Variants in TDRKH observed in about 807,000 individuals in gnomAD.
TDRKH encodes the protein tudor and KH domain-containing protein.
A neutral mutation model predicts 61.3 loss-of-function variants in TDRKH; 28 were observed. The ratio of observed to expected loss-of-function variants is 0.46; its 90% CI spans 0.34 to 0.63. TDRKH has a LOEUF of 0.63. Among genes scored for constraint, TDRKH ranks in the 20% least tolerant of loss-of-function variants. The pLI, the probability that TDRKH is intolerant of heterozygous loss-of-function variation, is 0.01. For missense variants in TDRKH, 540 were observed against 683.4 expected (o/e 0.79, Z 2.34); for synonymous variants, 219 against 244.4 (o/e 0.90, Z 0.97).
intron 12 of TDRKH, 67 bp downstream of exon 12, chr1:151,774,643 C>T: frequency 1.9e-6 from 3 of 1,598,116 alleles, no homozygotes; most frequent in Non-Finnish European, 2.6e-6. Flanking sequence ...AACCTCCCTA[C>T]TCTGGAAAGA....
At chr1:151,771,203 C>A, downstream of TDRKH, 1 of 1,613,618 alleles carries the variant, frequency 6.2e-7, no homozygotes, top group African/African-American at 1.3e-5. Flanking sequence ...GGCCACCTGC[C>A]CAGTGAGCCT....
At chr1:151,771,249 G>A (rs1648690710), downstream of TDRKH, 4 of 1,605,788 alleles carry the variant, frequency 2.5e-6, no homozygotes, top group Non-Finnish European at 3.4e-6. Flanking sequence ...TTGAGGGGCT[G>A]GAAGCCTTGA....
chr1:151,777,673 T>C (rs1460266254), intron 6 of TDRKH, among the ~76,000 whole-genome samples: 1 of 151,982 alleles, frequency 6.6e-6, no homozygotes, highest in Non-Finnish European at 1.5e-5. Flanking sequence ...TATTGCTTCC[T>C]ATTTTGGGTA....
chr1:151,768,048 C>A, downstream of TDRKH: 1 of 1,613,906 alleles, frequency 6.2e-7, no homozygotes, highest in Non-Finnish European at 8.5e-7. Flanking sequence ...CATTTTTACT[C>A]CTTTTCCAGG....
downstream of TDRKH, chr1:151,771,807 G>C (rs1010024971): frequency 2.5e-6 from 1 of 396,756 alleles, no homozygotes; most frequent in East Asian, 3.6e-5. Flanking sequence ...TAAAGAAAAA[G>C]ACTTTTATAC....
chr1:151,778,406 G>A (rs911825349), intron 6 of TDRKH, among the ~76,000 whole-genome samples: 2 of 152,174 alleles, frequency 1.3e-5, no homozygotes, highest in Non-Finnish European at 2.9e-5. Context: ...CTTCAGAGTG[G>A]AAGAGGCACC....
chr1:151,775,080 G>C lies in TDRKH; in HGVS notation c.1521C>G (p.Asp507Glu), dbSNP rs746949370. The stretch of plus-strand genomic sequence containing the variant: ...AATAGCTCACCATGTCCTTCAACAT[G>C]TCTGGGACAGCTCTGTTTTCTTCTA... ...EDIEENRAVP[D>E]MLKDMATETD... The change falls in exon 11 of 13, where the codon GAC becomes GAG. Residue 507 changes from aspartate to glutamate, a missense_variant. Physicochemically the swap from Asp to Glu is conservative, Grantham distance 45 (BLOSUM62 2). This residue lies in a region of TDRKH where 379 missense variants were observed against 443.8 expected (regional missense o/e 0.85). Coordinates refer to ENST00000368824, the MANE Select transcript of TDRKH (RefSeq NM_001083965.2). 1.9e-6 allele frequency: 3 copies of C among 1,614,138 alleles called. No homozygotes were observed. Among genetic ancestry groups the C allele is most frequent in the South Asian group, 2.2e-5 (2 of 91,080 alleles).
Position 151,775,846 on chromosome 1 carries a change from C to A in TDRKH, c.1256G>T (p.Cys419Phe). Residue 419 changes from cysteine (C) to phenylalanine (F), a missense_variant, in exon 9 of 13, where the codon TGT (cysteine) becomes TTT (phenylalanine). Cys to Phe is a radical substitution (Grantham distance 205). Transcript: ENST00000368824. ...FLSLPFQAIE[C>F]SLARIAPSGD... is the part of the protein sequence containing the mutation. ...TGAGGGAGCAATCCGTGCCAGACTA[C>A]ATTCTATTGCTTGAAATGGAAGGCT... 6.2e-7 allele frequency: 1 copy of A among 1,613,724 alleles called. No homozygotes were observed.
Position 151,774,815 on chromosome 1 carries a change from A to G in TDRKH, c.1537-9T>C. Reference sequence around the variant, plus strand: ...GCATCTGTTTCTGTGGCCTGAGTGGATGAAAACAGGAAAAAAGGAGGAACA... The same window carrying G: ...GCATCTGTTTCTGTGGCCTGAGTGGGTGAAAACAGGAAAAAAGGAGGAACA... On this transcript the variant is annotated splice_polypyrimidine_tract_variant and intron_variant, in intron 11 of 12. Coordinates refer to ENST00000368824, the MANE Select transcript of TDRKH (RefSeq NM_001083965.2). 1 of 1,613,652 alleles carries G rather than the reference A, an allele frequency of 6.2e-7. No individual in the cohort carries two copies.
chr1:151,784,418 T>G (rs1368020216), intron 1 of TDRKH, among the ~76,000 whole-genome samples: 3 of 152,232 alleles, frequency 2.0e-5, no homozygotes, highest in Non-Finnish European at 4.4e-5. Context: ...AATATATCTG[T>G]CCTCAAGTTC....
At chr1:151,788,420 T>C (rs559527037) in intron 1 of TDRKH, among the ~76,000 whole-genome samples, 2 of 151,968 alleles carry the variant, frequency 1.3e-5, no homozygotes, top group South Asian at 2.1e-4. Flanking sequence ...CAGGCAGGAG[T>C]CTTTAGGTCT....
chr1:151,776,479 T>G lies in TDRKH; in HGVS notation c.1004A>C (p.Lys335Thr), dbSNP rs1383064062. 6.2e-7 allele frequency: 1 copy of G among 1,614,228 alleles called. No individual in the cohort carries two copies. Among genetic ancestry groups the G allele is most frequent in the African/African-American group, 1.3e-5 (1 of 75,064 alleles). Reference protein sequence around the residue: ...IVGSRSLQLDKLVNEMTQHYE... With the variant: ...IVGSRSLQLDTLVNEMTQHYE... ...GTGCTGGGTCATCTCATTGACAAGC[T>G]TATCCAATTGCAGGCTGCGGGAGCC... Residue 335 changes from lysine to threonine, a missense_variant, in exon 7 of 13, where the codon AAG becomes ACG. Lys to Thr is a moderately conservative substitution (Grantham distance 78, BLOSUM62 -1). Transcript: ENST00000368824.
rs754272338 is a variant in TDRKH at position 151,776,606 on chromosome 1, A to G, written c.884-7T>C. The G allele has an allele frequency of 1.9e-6, 3 of 1,613,980 alleles. No individual in the cohort carries two copies. The highest frequency in any genetic ancestry group is 2.2e-5 in the South Asian group (2 of 91,060). On this transcript the variant is annotated splice_polypyrimidine_tract_variant and splice_region_variant and intron_variant, in intron 6 of 12. Coordinates refer to ENST00000368824, the MANE Select transcript of TDRKH (RefSeq NM_001083965.2). ...CTGAAGTCAGGACTGGGGACTGAAC[A>G]CAGAGATAAGGATGGTGGCCACATC... is the stretch of plus-strand genomic sequence containing the variant.
downstream of TDRKH, chr1:151,767,194 C>G (rs1488622793): frequency 6.2e-7 from 1 of 1,614,028 alleles, no homozygotes; most frequent in Admixed American, 1.7e-5. Flanking sequence ...GGACTTGACA[C>G]TCCAGCCCCG....
In TDRKH at chr1:151,787,808, C is replaced by CAAAAA. The variant is rs71093211; in HGVS notation, c.-28+2567_-28+2571dup. Among the ~76,000 whole-genome samples, 97 of 50,574 alleles carry CAAAAA rather than the reference C, an allele frequency of 1.9e-3. 4 individuals are homozygous for CAAAAA. The East Asian group carries it at 0.02, about 11-fold the overall frequency. 33.2% of individuals were successfully genotyped at this position (50,574 alleles called of 152,430 possible). A position where few individuals can be genotyped will look rare whatever the true frequency, so the allele number is the denominator to read the frequency against. On this transcript the variant is annotated intron_variant, in intron 1 of 12. Coordinates refer to ENST00000368824, the MANE Select transcript of TDRKH (RefSeq NM_001083965.2). ...GCAACATAGTGAGACTCTGTTTCTA[C>CAAAAA]AAAAAAAAAAAAAAAAAAAAAAAAA... is the stretch of plus-strand genomic sequence containing the variant.
intron 9 of TDRKH, 135 bp downstream of exon 9, chr1:151,775,685 T>C (rs1294125261): frequency 6.8e-7 from 1 of 1,480,892 alleles, no homozygotes; most frequent in African/African-American, 1.4e-5. Flanking sequence ...TTCTGGCTGC[T>C]GCTAGTGCTG....
At chr1:151,784,072 G>A (rs1322143325) in intron 1 of TDRKH, among the ~76,000 whole-genome samples, 1 of 152,098 alleles carries the variant, frequency 6.6e-6, no homozygotes, top group Non-Finnish European at 1.5e-5. Context: ...CTCAACTGAG[G>A]TCCTTGCTAT....
In TDRKH at chr1:151,775,102, T is replaced by C; in HGVS notation, c.1499A>G (p.Glu500Gly). Reference sequence around the variant, plus strand: ...CATGTCTGGGACAGCTCTGTTTTCTTCTATGTCTTCAGGAAGCTCAATTGC... The same window carrying C: ...CATGTCTGGGACAGCTCTGTTTTCTCCTATGTCTTCAGGAAGCTCAATTGC... ...GYAIELPEDI[E>G]ENRAVPDMLK... The change falls in exon 11 of 13, where the codon GAA becomes GGA. Residue 500 changes from glutamate (E) to glycine (G), a missense_variant. Physicochemically the swap from Glu to Gly is moderately conservative, Grantham distance 98. Around this residue, in one of 3 missense-constraint regions of TDRKH, gnomAD observed 379 missense variants for 443.8 expected, o/e 0.85. Transcript: ENST00000368824. 6.2e-7 allele frequency: 1 copy of C among 1,614,180 alleles called. No homozygotes were observed. The highest frequency in any genetic ancestry group is 8.5e-7 in the Non-Finnish European group (1 of 1,180,016).
downstream of TDRKH, chr1:151,767,536 AAAC>A: frequency 1.3e-6 from 1 of 787,880 alleles, no homozygotes; most frequent in Middle Eastern, 4.1e-4. Context: ...GACAAAGGTA[AAAC>A]AAACTCTGTA....
Sources: gnomAD v4.1 joint callset for allele counts (sites outside exome capture counted in the v4.1 genomes callset) on GRCh38, gnomAD v4.1.1 for gene constraint, gnomAD v4.1.1 regional missense constraint, MANE v1.5 for transcripts, NCBI Gene and HGNC (gene_info 2026-07-23, HGNC 2026-07-21) for gene names.